The following BCAS1 variants were observed in gnomAD, a reference collection of about 807,000 sequenced individuals.
BCAS1 encodes brain enriched myelin associated protein 1.
BCAS1 carries 46 observed loss-of-function variants against 65.4 expected under a neutral mutation model. That is an observed-to-expected ratio of 0.70 (90% confidence interval 0.55 to 0.90). BCAS1 has a LOEUF of 0.90. Among genes scored for constraint, BCAS1 ranks in the 40% least tolerant of loss-of-function variants. The pLI is 0.00. For synonymous variants in BCAS1, 298 were observed against 293.5 expected, an observed-to-expected ratio of 1.02 and a Z score of -0.16; for missense variants, 793 against 771.2, an observed-to-expected ratio of 1.03 and a Z score of -0.33.
intron 12 of BCAS1, among the ~76,000 whole-genome samples, chr20:53,946,264 A>C (rs1216845675): frequency 4.0e-5 from 6 of 151,784 alleles, no homozygotes; most frequent in Non-Finnish European, 2.9e-5. Context: ...TTTTGTGGTC[A>C]ACCGCTCCCC....
intron 1 of BCAS1, among the ~76,000 whole-genome samples, chr20:54,065,343 T>C (rs1002850791): frequency 2.6e-5 from 4 of 152,244 alleles, no homozygotes; most frequent in Non-Finnish European, 5.9e-5. Flanking sequence ...CTTGGAAATA[T>C]GCTGTTCTTT....
chr20:54,018,356 G>A lies in BCAS1; in HGVS notation c.723+10036C>T, dbSNP rs114262190. Among the ~76,000 whole-genome samples the A allele has an allele frequency of 3.0e-3, 449 of 150,864 alleles. 2 individuals are homozygous for A. Among genetic ancestry groups the A allele is most frequent in the African/African-American group, 0.011 (431 of 41,028 alleles). On this transcript the variant is annotated intron_variant, in intron 4 of 12. Transcript: ENST00000688948. ...ATCTAAAATCATTCCTGGCACAAAGGAAATACTCATATTTGTTGCATGAAT... is the reference window on the plus strand; with the variant it reads ...ATCTAAAATCATTCCTGGCACAAAGAAAATACTCATATTTGTTGCATGAAT...
In BCAS1 at chr20:53,994,931, A is replaced by G. The variant is rs1001030816; in HGVS notation, c.927+81T>C. On this transcript the variant is annotated intron_variant, in intron 6 of 12. Transcript: ENST00000688948. The stretch of plus-strand genomic sequence containing the variant: ...CACACACACACATATATGTATTCAA[A>G]AAACAAGCAGGCAGACACAAATCCA... 74 of 1,287,732 alleles carry G rather than the reference A, an allele frequency of 5.7e-5. No homozygotes were observed. The Admixed American group carries it at 1.1e-3, about 19-fold the overall frequency. 79.8% of individuals were successfully genotyped at this position (1,287,732 alleles called of 1,614,324 possible).
chr20:53,978,929 G>A (rs1160290579), intron 8 of BCAS1, among the ~76,000 whole-genome samples: 1 of 152,150 alleles, frequency 6.6e-6, no homozygotes, highest in African/African-American at 2.4e-5. Context: ...TTACCCAAAG[G>A]CTGACTGTTA....
chr20:54,044,465 A>G (rs536826334), intron 3 of BCAS1, among the ~76,000 whole-genome samples: 3 of 152,348 alleles, frequency 2.0e-5, no homozygotes, highest in African/African-American at 7.2e-5. Flanking sequence ...TGTCCAGAGT[A>G]TCTGTCATGG....
intron 10 of BCAS1, among the ~76,000 whole-genome samples, chr20:53,963,572 A>G (rs1330164506): frequency 6.6e-6 from 1 of 152,214 alleles, no homozygotes; most frequent in Non-Finnish European, 1.5e-5. Flanking sequence ...TTTGCAGCTG[A>G]GTTCTCTCTT....
At chr20:54,051,708 A>G (rs560412069) in intron 3 of BCAS1, among the ~76,000 whole-genome samples, 37 of 141,716 alleles carry the variant, frequency 2.6e-4, no homozygotes, top group African/African-American at 1.0e-3. Context: ...GCTTTTGACT[A>G]TGCTGGTTTT....
intron 3 of BCAS1, among the ~76,000 whole-genome samples, chr20:54,030,409 TA>T (rs1293101931): frequency 6.6e-6 from 1 of 152,238 alleles, no homozygotes; most frequent in Non-Finnish European, 1.5e-5. Context: ...AATAAGTGCT[TA>T]GTAATTGACA....
intron 3 of BCAS1, among the ~76,000 whole-genome samples, chr20:54,044,529 T>C (rs73132911): frequency 0.038 from 5,850 of 152,322 alleles, 147 homozygotes; most frequent in Middle Eastern, 0.095. Flanking sequence ...TGTTTTATTT[T>C]TGAAAAATGT....
intron 11 of BCAS1, among the ~76,000 whole-genome samples, chr20:53,955,108 G>A (rs900056565): frequency 6.6e-6 from 1 of 152,198 alleles, no homozygotes; most frequent in Non-Finnish European, 1.5e-5. Context: ...CAAGGTAGCA[G>A]CTTTGATGGA....
Position 54,008,634 on chromosome 20 carries a change from A to G in BCAS1, c.724-12584T>C, listed in dbSNP as rs2091254588. ...GGTGTCCGGGACAGCCAGCTAAAATAGAAAGTTTAAGCAAGATGCAGTCTC... is the reference window on the plus strand; with the variant it reads ...GGTGTCCGGGACAGCCAGCTAAAATGGAAAGTTTAAGCAAGATGCAGTCTC... On this transcript the variant is annotated intron_variant, in intron 4 of 12. Transcript: ENST00000688948. 2.0e-5 allele frequency among the ~76,000 whole-genome samples: 3 copies of G among 152,200 alleles called. 1 individual carries two copies. In the South Asian group the frequency reaches 6.2e-4, roughly 32 times the overall value.
At chr20:53,991,116 T>C (rs145521854) in intron 7 of BCAS1, among the ~76,000 whole-genome samples, 3 of 152,328 alleles carry the variant, frequency 2.0e-5, no homozygotes, top group South Asian at 2.1e-4. Flanking sequence ...GGAAACATCA[T>C]ACACTTCTTA....
chr20:53,956,080 A>C lies in BCAS1; in HGVS notation c.1551+1352T>G, dbSNP rs555949396. Among the ~76,000 whole-genome samples the C allele has an allele frequency of 2.0e-5, 3 of 152,368 alleles. No individual in the cohort carries two copies. In the South Asian group the frequency reaches 6.2e-4, roughly 32 times the overall value. ...CATTATAAGATGGAAATTCCCTATC[A>C]GCAGCATAATAGTAATAGTAACATA... On this transcript the variant is annotated intron_variant, in intron 11 of 12. Transcript: ENST00000688948.
At chr20:54,018,084 CAAAG>C (rs1356629043) in intron 4 of BCAS1, among the ~76,000 whole-genome samples, 1 of 152,272 alleles carries the variant, frequency 6.6e-6, no homozygotes, top group South Asian at 2.1e-4. Context: ...TTGGCCCGTG[CAAAG>C]AAAGAAAGAA....
At chr20:54,002,491 T>G (rs2091080881) in intron 4 of BCAS1, among the ~76,000 whole-genome samples, 2 of 152,238 alleles carry the variant, frequency 1.3e-5, no homozygotes, top group Non-Finnish European at 2.9e-5. Flanking sequence ...AGTGTTGACT[T>G]CCTGTAGCTG....
intron 10 of BCAS1, among the ~76,000 whole-genome samples, chr20:53,958,256 G>A (rs2089764253): frequency 1.3e-5 from 2 of 152,212 alleles, no homozygotes; most frequent in African/African-American, 4.8e-5. Context: ...TCAGACTCAT[G>A]CTGGGGTCTG....
rs1463654448 is a variant in BCAS1, at chr20:53,945,877, TCCC to T, written c.1816-884_1816-882del. 7.2e-5 allele frequency among the ~76,000 whole-genome samples: 11 copies of T among 151,968 alleles called. 1 individual carries two copies. On this transcript the variant is annotated intron_variant, in intron 12 of 12. Transcript: ENST00000688948. ...GCCTTGAAGTCCTGGGCTCAAATGA[TCCC>T]CCCACGTCAGCCTCCCCAGTAGCTT...
chr20:53,994,928 CAAA>C, intron 6 of BCAS1, 81 bp downstream of exon 6: 2 of 1,187,830 alleles, frequency 1.7e-6, no homozygotes, highest in African/African-American at 3.1e-5. Context: ...TATATGTATT[CAAA>C]AAACAAGCAG....
chr20:53,983,880 T>C (rs1200044365), intron 8 of BCAS1, among the ~76,000 whole-genome samples: 1 of 152,190 alleles, frequency 6.6e-6, no homozygotes, highest in African/African-American at 2.4e-5. Flanking sequence ...TGTACCTAGC[T>C]CTGCCACTCC....
Sources: gnomAD v4.1 joint callset for allele counts (sites outside exome capture counted in the v4.1 genomes callset) on GRCh38, gnomAD v4.1.1 for gene constraint, MANE v1.5 for transcripts, NCBI Gene and HGNC (gene_info 2026-07-23, HGNC 2026-07-21) for gene names.